RLF: variants seen among roughly 807,000 people sequenced by gnomAD.
RLF encodes the protein RLF zinc finger.
Under a neutral mutation model 162.9 loss-of-function variants are expected in RLF, and 7 were observed. That is an observed-to-expected ratio of 0.04 (90% CI 0.02 to 0.08). The LOEUF (loss-of-function observed/expected upper bound fraction) is 0.08. Ranked by LOEUF, RLF falls within the 10% of genes least tolerant of loss-of-function variation. RLF has a pLI of 1.00. For missense variants in RLF, 1,664 were observed against 2,244.7 expected (o/e 0.74, Z 5.23); for synonymous variants, 782 against 791.5 (o/e 0.99, Z 0.20).
intron 1 of RLF, among the ~76,000 whole-genome samples, chr1:40,178,137 A>G (rs1033951469): frequency 3.3e-5 from 5 of 152,042 alleles, no homozygotes; most frequent in African/African-American, 1.2e-4. Flanking sequence ...AGCTATGTAT[A>G]TGAGTGATTT....
rs771457063 is a variant in RLF at position 40,239,179 on chromosome 1, G to T, written c.4477G>T (p.Val1493Leu). Residue 1493 changes from valine (V) to leucine (L), a missense_variant, in exon 8 of 8, where the codon GTA becomes TTA. This residue lies in a region of RLF where 200 missense variants were observed against 207.3 expected (regional missense o/e 0.96). Transcript: ENST00000372771. ...TGAGAGACTACTAAGGAGTGAAAAG[G>T]TATGTCAAACAGCTGATACTCAGGG... ...ANERLLRSEKVCQTADTQGHE... is the reference protein window; with the variant it reads ...ANERLLRSEKLCQTADTQGHE... The T allele has an allele frequency of 1.2e-6, 2 of 1,614,078 alleles. No individual in the cohort carries two copies. Among genetic ancestry groups the T allele is most frequent in the East Asian group, 4.5e-5 (2 of 44,892 alleles).
chr1:40,202,620 T>A lies in RLF; in HGVS notation c.810+6T>A. The A allele has an allele frequency of 1.2e-5, 16 of 1,358,244 alleles. No individual in the cohort carries two copies. The highest frequency in any genetic ancestry group is 1.5e-5 in the African/African-American group (1 of 65,682). 84.1% of individuals were successfully genotyped at this position (1,358,244 alleles called of 1,614,324 possible). A position where few individuals can be genotyped will look rare whatever the true frequency, so the allele number is the denominator to read the frequency against. ...ATGAAGATGCTATTAAGGAGGTGAG[T>A]AAATAATTGTTGTCATTCAAACTTG... is the stretch of plus-strand genomic sequence containing the variant. On this transcript the variant is annotated splice_donor_region_variant and intron_variant, in intron 5 of 7. Transcript: ENST00000372771.
intron 1 of RLF, among the ~76,000 whole-genome samples, chr1:40,168,957 C>T (rs1359954018): frequency 6.6e-6 from 1 of 152,072 alleles, no homozygotes; most frequent in Non-Finnish European, 1.5e-5. Flanking sequence ...CATGCCGTTG[C>T]ACTCCATCCT....
At chr1:40,234,678 G>A (rs1643195579) in intron 7 of RLF, among the ~76,000 whole-genome samples, 1 of 152,212 alleles carries the variant, frequency 6.6e-6, no homozygotes, top group Non-Finnish European at 1.5e-5. Context: ...TTGTTGTGAA[G>A]CTGGGGTTCA....
chr1:40,170,280 G>T (rs1642224927), intron 1 of RLF, among the ~76,000 whole-genome samples: 1 of 151,746 alleles, frequency 6.6e-6, no homozygotes, highest in Non-Finnish European at 1.5e-5. Flanking sequence ...TTGAGACAGG[G>T]TCTTGCTGTG....
intron 3 of RLF, among the ~76,000 whole-genome samples, chr1:40,194,371 G>C (rs1234351349): frequency 6.6e-6 from 1 of 152,108 alleles, no homozygotes; most frequent in Non-Finnish European, 1.5e-5. Flanking sequence ...GGGCACAGTG[G>C]CTCATGCCTT....
intron 5 of RLF, among the ~76,000 whole-genome samples, chr1:40,204,034 CTTTT>C (rs60379541): frequency 3.7e-5 from 5 of 135,158 alleles, no homozygotes; most frequent in East Asian, 4.2e-4. Flanking sequence ...GGTCCTCTCT[CTTTT>C]TTTTTTTTTT....
At chr1:40,181,211 C>T (rs1455985584) in intron 1 of RLF, among the ~76,000 whole-genome samples, 1 of 152,208 alleles carries the variant, frequency 6.6e-6, no homozygotes, top group East Asian at 1.9e-4. Context: ...GGATGGATTA[C>T]TTGAGGTCAG....
intron 1 of RLF, among the ~76,000 whole-genome samples, chr1:40,163,013 A>G (rs1329073864): frequency 6.6e-6 from 1 of 152,156 alleles, no homozygotes; most frequent in Non-Finnish European, 1.5e-5. Context: ...GAATGACAGT[A>G]TTTCCAGTGC....
At chr1:40,196,148 T>G (rs1389845985) in intron 4 of RLF, among the ~76,000 whole-genome samples, 1 of 151,540 alleles carries the variant, frequency 6.6e-6, no homozygotes, top group East Asian at 2.0e-4. Flanking sequence ...GGATCTCGGC[T>G]CACTGCAACC....
intron 7 of RLF, among the ~76,000 whole-genome samples, chr1:40,231,867 T>C (rs1268396655): frequency 6.6e-6 from 1 of 152,184 alleles, no homozygotes; most frequent in Admixed American, 6.5e-5. Flanking sequence ...TAGGTGATAT[T>C]TATTTCTAAT....
Position 40,237,723 on chromosome 1 carries a change from G to A in RLF, c.3021G>A (p.Lys1007=). 1 of 1,614,072 alleles carries A rather than the reference G, an allele frequency of 6.2e-7. No individual in the cohort carries two copies. The highest frequency in any genetic ancestry group is 8.5e-7 in the Non-Finnish European group (1 of 1,179,986). The change falls in exon 8 of 8, where the codon AAG becomes AAA. Residue 1007 remains lysine (K), a synonymous_variant. Coordinates refer to ENST00000372771, the MANE Select transcript of RLF (RefSeq NM_012421.4). The surrounding 1 kb of genome is among the most constrained non-coding windows in gnomAD (Gnocchi z 4.4). ...ATGAACATAATCAGACAACTGAAAA[G>A]TTGGATGCAGAACCTAAACCCTGCT... is the stretch of plus-strand genomic sequence containing the variant. ...LGNEHNQTTE[K]LDAEPKPCSD... is the part of the protein sequence containing the mutation.
intron 5 of RLF, among the ~76,000 whole-genome samples, chr1:40,212,475 G>T (rs984417565): frequency 6.6e-6 from 1 of 152,178 alleles, no homozygotes; most frequent in African/African-American, 2.4e-5. Context: ...GTGGCTCAGT[G>T]TCCCAAGTGG....
chr1:40,221,622 C>T (rs1231827758), intron 5 of RLF, among the ~76,000 whole-genome samples: 4 of 151,142 alleles, frequency 2.6e-5, no homozygotes, highest in Admixed American at 6.6e-5. Flanking sequence ...AAAAAAAGGC[C>T]GGGCACGGTG....
At chr1:40,221,768 T>C (rs1472297607) in intron 5 of RLF, among the ~76,000 whole-genome samples, 1 of 151,442 alleles carries the variant, frequency 6.6e-6, no homozygotes, top group Non-Finnish European at 1.5e-5. Context: ...GGCACGGTGG[T>C]GGGCGCCTGT....
At chr1:40,178,203 C>T (rs918003036) in intron 1 of RLF, among the ~76,000 whole-genome samples, 1 of 151,938 alleles carries the variant, frequency 6.6e-6, no homozygotes, top group African/African-American at 2.4e-5. Flanking sequence ...ACTGAATTGC[C>T]TTTGCACCTT....
chr1:40,238,345 G>A lies in RLF; in HGVS notation c.3643G>A (p.Glu1215Lys). The change falls in exon 8 of 8, where the codon GAA (glutamate) becomes AAA (lysine). Residue 1215 changes from glutamate (E) to lysine (K), a missense_variant. Physicochemically the swap from Glu to Lys is moderately conservative, Grantham distance 56 (BLOSUM62 1). Transcript: ENST00000372771. This position sits in a 1 kb window ranked among gnomAD's most constrained non-coding sequence, Gnocchi z 5.2. The stretch of plus-strand genomic sequence containing the variant: ...ATTAGATAATGAAAAGTGTGATCAT[G>A]AAGGCCCATGTTCAGTAGATAGGTT... ...KLLDNEKCDH[E>K]GPCSVDRLKG... The A allele has an allele frequency of 6.2e-7, 1 of 1,614,160 alleles. No homozygotes were observed. The highest frequency in any genetic ancestry group is 8.5e-7 in the Non-Finnish European group (1 of 1,180,018).
chr1:40,229,890 A>C (rs1274800763), intron 6 of RLF, among the ~76,000 whole-genome samples: 1 of 152,024 alleles, frequency 6.6e-6, no homozygotes, highest in Non-Finnish European at 1.5e-5. Context: ...CGAGGCAGGC[A>C]GATCACCTGA....
At chr1:40,185,696 C>T (rs1355215499) in intron 1 of RLF, among the ~76,000 whole-genome samples, 6 of 139,034 alleles carry the variant, frequency 4.3e-5, no homozygotes, top group African/African-American at 1.6e-4. Context: ...GGCATGGTGG[C>T]GGGTGCCTGT....
Sources: allele counts gnomAD v4.1 joint callset (sites outside exome capture counted in the v4.1 genomes callset), GRCh38; gene constraint gnomAD v4.1.1; regional missense constraint gnomAD v4.1.1; non-coding constraint Gnocchi (gnomAD v3.1); transcripts MANE v1.5; gene names NCBI Gene and HGNC (gene_info 2026-07-23, HGNC 2026-07-21).